Variants in WDR41 observed in about 807,000 individuals in gnomAD.
WDR41 encodes the protein WD repeat domain 41, also known as WD repeat-containing protein 41.
Under a neutral mutation model 69.3 loss-of-function variants are expected in WDR41, and 63 were observed. The ratio of observed to expected loss-of-function variants is 0.91; its 90% confidence interval spans 0.74 to 1.12. WDR41 has a LOEUF of 1.12. Among genes scored for constraint, WDR41 ranks in the 50% most tolerant of loss-of-function variants. The pLI is 0.00. For missense variants in WDR41, 543 were observed against 534.5 expected (o/e 1.02, Z -0.16); for synonymous variants, 185 against 192.1 (o/e 0.96, Z 0.31).
chr5:77,605,287 C>G (rs1744395257), intron 1 of WDR41, among the ~76,000 whole-genome samples: 1 of 152,200 alleles, frequency 6.6e-6, no homozygotes, highest in Non-Finnish European at 1.5e-5. Context: ...TTCTCAAAGC[C>G]TTCACCACTG....
intron 1 of WDR41, chr5:77,545,423 G>GT (rs1743175015): frequency 5.6e-6 from 1 of 178,044 alleles, no homozygotes; most frequent in African/African-American, 2.4e-5. Context: ...ACGGGGACAG[G>GT]TCGGGCCGGA....
intron 1 of WDR41, among the ~76,000 whole-genome samples, chr5:77,596,421 C>G (rs538143639): frequency 6.6e-6 from 1 of 152,124 alleles, no homozygotes; most frequent in Admixed American, 6.5e-5. Context: ...TGAGCCTCCA[C>G]GCCTGGCTGA....
chr5:77,580,652 A>T (rs914153942), intron 1 of WDR41, among the ~76,000 whole-genome samples: 57 of 152,232 alleles, frequency 3.7e-4, no homozygotes, highest in South Asian at 1.7e-3. Context: ...ATGGAAAAAA[A>T]ATATATAAAA....
chr5:77,557,998 T>C (rs1743440469), intron 1 of WDR41, among the ~76,000 whole-genome samples: 1 of 146,376 alleles, frequency 6.8e-6, no homozygotes, highest in Admixed American at 7.1e-5. Context: ...ATGCAGTGAG[T>C]AAGAACAAGC....
At chr5:77,528,034 G>C (rs1258493927) in intron 1 of WDR41, among the ~76,000 whole-genome samples, 1 of 151,610 alleles carries the variant, frequency 6.6e-6, no homozygotes, top group Non-Finnish European at 1.5e-5. Context: ...GCAAATTAAA[G>C]TCAAAATAGG....
chr5:77,561,541 T>C (rs1355323756), intron 1 of WDR41, among the ~76,000 whole-genome samples: 1 of 152,106 alleles, frequency 6.6e-6, no homozygotes, highest in East Asian at 1.9e-4. Flanking sequence ...CATTGGACAA[T>C]ACAGAAATCT....
intron 1 of WDR41, among the ~76,000 whole-genome samples, chr5:77,562,394 A>G (rs919705835): frequency 6.6e-6 from 1 of 152,186 alleles, no homozygotes; most frequent in Admixed American, 6.6e-5. Flanking sequence ...CAAAGTGCCA[A>G]CTCTAAGGTT....
chr5:77,588,329 T>C (rs1744076500), intron 1 of WDR41, among the ~76,000 whole-genome samples: 1 of 152,198 alleles, frequency 6.6e-6, no homozygotes, highest in African/African-American at 2.4e-5. Context: ...GTACTTTGAA[T>C]TCTGTTTAGA....
chr5:77,494,349 G>A (rs570399065), upstream of WDR41, among the ~76,000 whole-genome samples: 55 of 151,286 alleles, frequency 3.6e-4, no homozygotes, highest in African/African-American at 1.2e-3. Flanking sequence ...AGATTAAACT[G>A]TCCAAAGAAA....
intron 1 of WDR41, among the ~76,000 whole-genome samples, chr5:77,531,668 C>A (rs529101066): frequency 6.6e-6 from 1 of 151,920 alleles, no homozygotes; most frequent in African/African-American, 2.4e-5. Flanking sequence ...GGTACTCATA[C>A]GAATATTTGT....
intron 1 of WDR41, among the ~76,000 whole-genome samples, chr5:77,575,078 TC>T (rs1332506712): frequency 2.0e-5 from 3 of 152,208 alleles, no homozygotes; most frequent in Admixed American, 2.0e-4. Context: ...ATATCTTATT[TC>T]CTACTGAGAT....
intron 1 of WDR41, among the ~76,000 whole-genome samples, chr5:77,610,960 G>A (rs977215352): frequency 7.0e-4 from 106 of 152,120 alleles, no homozygotes; most frequent in African/African-American, 2.5e-3. Context: ...GATGGAGGAA[G>A]ATCTACCAAG....
chr5:77,482,476 G>GA (rs34579478), intron 2 of WDR41, among the ~76,000 whole-genome samples: 5 of 149,776 alleles, frequency 3.3e-5, no homozygotes, highest in Admixed American at 1.3e-4. Flanking sequence ...TTTATTTGTT[G>GA]AAAAAAAAAT....
chr5:77,534,469 T>C (rs1009706764), intron 1 of WDR41, among the ~76,000 whole-genome samples: 2 of 152,116 alleles, frequency 1.3e-5, no homozygotes, highest in Non-Finnish European at 2.9e-5. Flanking sequence ...AGAGTCTCAC[T>C]GTCACCCAGG....
At chr5:77,493,575 A>T (rs72769079), upstream of WDR41, among the ~76,000 whole-genome samples, 2,757 of 152,250 alleles carry the variant, frequency 0.018, 34 homozygotes, top group Middle Eastern at 0.061. Context: ...TTTTGAGTGC[A>T]CTCGGCAAGA....
chr5:77,586,865 C>T (rs1389287154), intron 1 of WDR41, among the ~76,000 whole-genome samples: 6 of 149,688 alleles, frequency 4.0e-5, no homozygotes, highest in African/African-American at 7.4e-5. Flanking sequence ...ACTACAGGCA[C>T]GTGCCAGTAC....
intron 1 of WDR41, among the ~76,000 whole-genome samples, chr5:77,498,571 C>A (rs532557707): frequency 1.3e-5 from 2 of 152,044 alleles, no homozygotes; most frequent in South Asian, 2.1e-4. Flanking sequence ...ATAATCCCAG[C>A]GCTTTGGGAG....
intron 12 of WDR41, among the ~76,000 whole-genome samples, chr5:77,433,625 G>A (rs537533503): frequency 6.6e-6 from 1 of 152,082 alleles, no homozygotes; most frequent in Non-Finnish European, 1.5e-5. Flanking sequence ...AAAAATGTCT[G>A]AATTCTAAAT....
rs79288957 is a variant in WDR41, at chr5:77,554,411, G to T, written c.43-64839C>A. On this transcript the variant is annotated intron_variant, in intron 1 of 5. Transcript: ENST00000509971. ...GGGAGGTGATTAGGTCATAATGGTA[G>T]AGCCCTCGTGAATAGGATTAGTGCT... Among the ~76,000 whole-genome samples the T allele has an allele frequency of 5.3e-5, 8 of 152,142 alleles. No homozygotes were observed. In the East Asian group the frequency reaches 1.5e-3, roughly 29 times the overall value.
Sources: allele counts gnomAD v4.1 joint callset (sites outside exome capture counted in the v4.1 genomes callset), GRCh38; gene constraint gnomAD v4.1.1; transcripts MANE v1.5; gene names NCBI Gene and HGNC (gene_info 2026-07-23, HGNC 2026-07-21).